Variants in AKAP9 observed in about 807,000 individuals in gnomAD.
AKAP9 encodes A-kinase anchor protein 9.
A neutral mutation model predicts 488.5 loss-of-function variants in AKAP9; 311 were observed. That is an observed-to-expected ratio of 0.64 (90% CI 0.58 to 0.70). The LOEUF (loss-of-function observed/expected upper bound fraction) is 0.70, where lower values mean the gene tolerates loss of function less well. Ranked by LOEUF, AKAP9 falls within the 30% of genes least tolerant of loss-of-function variation. The pLI is 0.00. For missense variants in AKAP9, 4,215 were observed against 4,374.5 expected, an observed-to-expected ratio of 0.96 and a Z score of 1.03; for synonymous variants, 1,462 against 1,483.5, an observed-to-expected ratio of 0.99 and a Z score of 0.33.
intron 36 of AKAP9, 53 bp downstream of exon 36, chr7:92,085,739 A>T (rs1378305752): frequency 8.1e-7 from 1 of 1,231,680 alleles, no homozygotes; most frequent in African/African-American, 1.5e-5. Flanking sequence ...TTTGAACAAT[A>T]ATAATACATT....
At chr7:92,048,080 C>G (rs1411927400) in intron 21 of AKAP9, among the ~76,000 whole-genome samples, 1 of 152,056 alleles carries the variant, frequency 6.6e-6, no homozygotes, top group African/African-American at 2.4e-5. Flanking sequence ...AATATTAACA[C>G]TGTGTTCCAT....
At chr7:92,038,803 T>G (rs1431833049) in intron 17 of AKAP9, 31 bp downstream of exon 17, 2 of 1,463,904 alleles carry the variant, frequency 1.4e-6, no homozygotes, top group African/African-American at 2.8e-5. Context: ...ATAAAAAACT[T>G]ATTTAAAAAT....
chr7:92,015,900 GT>G (rs1440890001), intron 10 of AKAP9, among the ~76,000 whole-genome samples: 1 of 152,092 alleles, frequency 6.6e-6, no homozygotes, highest in East Asian at 1.9e-4. Flanking sequence ...AAAAATTATA[GT>G]TTTGTGCAAT....
chr7:92,094,119 G>A (rs1008760778), intron 39 of AKAP9, among the ~76,000 whole-genome samples: 13 of 151,878 alleles, frequency 8.6e-5, no homozygotes, highest in Admixed American at 5.2e-4. Context: ...CCAAAGTGCC[G>A]GGATTACAGG....
At chr7:92,020,833 GGGGTAGGAATT>G (rs1451539067) in intron 12 of AKAP9, among the ~76,000 whole-genome samples, 1 of 152,188 alleles carries the variant, frequency 6.6e-6, no homozygotes, top group East Asian at 1.9e-4. Context: ...AATTACTCAT[GGGGTAGGAATT>G]GGGTAGAGGA....
chr7:92,031,647 C>G (rs757714071), intron 16 of AKAP9, 43 bp downstream of exon 16: 4 of 1,387,214 alleles, frequency 2.9e-6, no homozygotes, highest in Non-Finnish European at 4.1e-6. Context: ...GGTTTATATT[C>G]CCTTTGAGCC....
intron 21 of AKAP9, among the ~76,000 whole-genome samples, chr7:92,046,660 C>G (rs1359029358): frequency 6.6e-6 from 1 of 152,216 alleles, no homozygotes; most frequent in Non-Finnish European, 1.5e-5. Flanking sequence ...AAATTAACTT[C>G]ACTCTTGGTT....
At chr7:92,021,104 A>T (rs1185490365) in intron 12 of AKAP9, among the ~76,000 whole-genome samples, 2 of 152,068 alleles carry the variant, frequency 1.3e-5, no homozygotes, top group Admixed American at 6.6e-5. Context: ...TTTCACAAAT[A>T]CTCTTACTCT....
rs759219564 is a variant in AKAP9 at position 92,097,673 on chromosome 7, G to A, written c.10486G>A (p.Ala3496Thr). The stretch of plus-strand genomic sequence containing the variant: ...AGGAGAAACAAAAGAATCAAACTAC[G>A]CTAAATTGATTGAAATGAATGGAGG... Reference protein sequence around the residue: ...IEGETKESNYAKLIEMNGGGT... With the variant: ...IEGETKESNYTKLIEMNGGGT... Residue 3496 changes from alanine to threonine, a missense_variant, in exon 42 of 50, where the codon GCT (alanine) becomes ACT (threonine). Physicochemically the swap from Ala to Thr is moderately conservative, Grantham distance 58 (BLOSUM62 0). This residue lies in a region of AKAP9 where 1,476 missense variants were observed against 1,477.4 expected (regional missense o/e 1.00). Transcript: ENST00000356239. 174 of 1,613,854 alleles carry A rather than the reference G, an allele frequency of 1.1e-4. No homozygotes were observed. Among genetic ancestry groups the A allele is most frequent in the South Asian group, 1.4e-4 (13 of 91,082 alleles).
intron 21 of AKAP9, among the ~76,000 whole-genome samples, chr7:92,046,182 G>GT (rs1806962292): frequency 6.6e-6 from 1 of 151,936 alleles, no homozygotes; most frequent in Non-Finnish European, 1.5e-5. Context: ...ATTGTCTCTT[G>GT]TTTTTTCAAT....
intron 7 of AKAP9, among the ~76,000 whole-genome samples, chr7:91,997,671 A>C (rs1431103086): frequency 6.6e-6 from 1 of 152,174 alleles, no homozygotes; most frequent in Non-Finnish European, 1.5e-5. Flanking sequence ...AGGAGGTAAG[A>C]GTGGGAGGAT....
At chr7:92,066,769 C>T (rs1810837882) in intron 26 of AKAP9, among the ~76,000 whole-genome samples, 1 of 152,146 alleles carries the variant, frequency 6.6e-6, no homozygotes, top group South Asian at 2.1e-4. Flanking sequence ...TAGTATTTCT[C>T]AATTAAATAA....
At chr7:92,064,048 C>T (rs1284516571) in intron 24 of AKAP9, among the ~76,000 whole-genome samples, 2 of 152,142 alleles carry the variant, frequency 1.3e-5, no homozygotes, top group East Asian at 1.9e-4. Flanking sequence ...TCCCAAAGTG[C>T]TGGGATTACA....
rs139468199 is a variant in AKAP9 at position 92,042,726 on chromosome 7, A to G, written c.5117A>G (p.Asp1706Gly). ...CAAACATTTAAAGAAAAGGAATTAG[A>G]CAGAAAACCTGAAGATGTGCCTCCT... is the stretch of plus-strand genomic sequence containing the variant. ...EEQTFKEKEL[D>G]RKPEDVPPEI... The change falls in exon 20 of 50, where the codon GAC becomes GGC. Residue 1706 changes from aspartate to glycine, a missense_variant. Around this residue, in one of 5 missense-constraint regions of AKAP9, gnomAD observed 2,361 missense variants for 2,430.0 expected, o/e 0.97. Coordinates refer to ENST00000356239, the MANE Select transcript of AKAP9 (RefSeq NM_005751.5). The G allele has an allele frequency of 1.6e-4, 261 of 1,612,184 alleles. 1 individual carries two copies. The highest frequency in any genetic ancestry group is 4.5e-4 in the South Asian group (41 of 91,030).
At chr7:91,968,127 G>A (rs529853260) in intron 1 of AKAP9, among the ~76,000 whole-genome samples, 1 of 152,204 alleles carries the variant, frequency 6.6e-6, no homozygotes, top group East Asian at 1.9e-4. Context: ...TGGTAGAGAC[G>A]AGGTTTTGCC....
intron 20 of AKAP9, chr7:92,043,099 G>A (rs942808908): frequency 5.0e-6 from 1 of 199,228 alleles, no homozygotes; most frequent in African/African-American, 2.4e-5. Flanking sequence ...GAAATATTAA[G>A]TGAGAATAGT....
chr7:92,075,330 T>C (rs1002868109), intron 28 of AKAP9, among the ~76,000 whole-genome samples: 21 of 152,244 alleles, frequency 1.4e-4, no homozygotes, highest in African/African-American at 4.8e-4. Flanking sequence ...TACCTTGTCA[T>C]CAAAGTAGTT....
chr7:91,977,791 TAACA>T (rs1795893168), intron 2 of AKAP9, among the ~76,000 whole-genome samples: 1 of 152,196 alleles, frequency 6.6e-6, no homozygotes, highest in African/African-American at 2.4e-5. Flanking sequence ...TTTTTTAATA[TAACA>T]AACCAATATT....
chr7:92,011,454 A>G (rs1800727418), intron 8 of AKAP9, among the ~76,000 whole-genome samples: 1 of 152,176 alleles, frequency 6.6e-6, no homozygotes, highest in African/African-American at 2.4e-5. Context: ...CTCCAAATTA[A>G]TCTCAGTATT....
Sources: allele counts gnomAD v4.1 joint callset (sites outside exome capture counted in the v4.1 genomes callset), GRCh38; gene constraint gnomAD v4.1.1; regional missense constraint gnomAD v4.1.1; transcripts MANE v1.5; gene names NCBI Gene and HGNC (gene_info 2026-07-23, HGNC 2026-07-21).